Variants in SLC9C2 observed in about 807,000 individuals in gnomAD.
SLC9C2 encodes the protein solute carrier family 9 member C2 (putative).
A neutral mutation model predicts 140.2 loss-of-function variants in SLC9C2; 75 were observed. The ratio of observed to expected loss-of-function variants is 0.53; its 90% CI spans 0.44 to 0.65. The LOEUF (loss-of-function observed/expected upper bound fraction) is 0.65. SLC9C2 is among the 30% of genes least tolerant of loss of function. The pLI is 0.00. For synonymous variants in SLC9C2, 375 were observed against 420.9 expected (o/e 0.89, Z 1.34); for missense variants, 1,074 against 1,331.8 (o/e 0.81, Z 3.01).
At chr1:173,536,215 C>G (rs1661946906) in intron 14 of SLC9C2, among the ~76,000 whole-genome samples, 1 of 152,174 alleles carries the variant, frequency 6.6e-6, no homozygotes, top group African/African-American at 2.4e-5. Context: ...TGGAATCAAG[C>G]TTTCCTTTGT....
intron 26 of SLC9C2, among the ~76,000 whole-genome samples, chr1:173,504,305 C>A (rs1659477967): frequency 1.3e-5 from 2 of 152,166 alleles, no homozygotes; most frequent in East Asian, 3.9e-4. Flanking sequence ...ATCTGTCTCT[C>A]CTCCCTATGA....
intron 13 of SLC9C2, among the ~76,000 whole-genome samples, chr1:173,546,288 T>A (rs1662840649): frequency 1.3e-5 from 2 of 152,228 alleles, no homozygotes; most frequent in Admixed American, 6.5e-5. Flanking sequence ...ATCCCAGTGC[T>A]TTGGGAGGGT....
chr1:173,588,453 C>T (rs1665980467), intron 4 of SLC9C2, among the ~76,000 whole-genome samples: 1 of 152,078 alleles, frequency 6.6e-6, no homozygotes. Flanking sequence ...CCATCTCTGT[C>T]TTTTGTTTTA....
In SLC9C2 at chr1:173,587,793, C is replaced by T. The variant is rs1054709699; in HGVS notation, c.395G>A (p.Ser132Asn). The T allele has an allele frequency of 1.9e-6, 3 of 1,613,028 alleles. No homozygotes were observed. Among genetic ancestry groups the T allele is most frequent in the South Asian group, 1.1e-5 (1 of 90,998 alleles). ...TATAACGACATATCCAATTATGATG[C>T]TTGCTGTAGAAAAGCTAATTAATCC... is the stretch of plus-strand genomic sequence containing the variant. ...LTGLISFSTASIIIGYVVIKF... is the reference protein window; with the variant it reads ...LTGLISFSTANIIIGYVVIKF... Residue 132 changes from serine (S) to asparagine (N), a missense_variant, in exon 5 of 28, where the codon AGC becomes AAC. By Grantham distance (46) the Ser-to-Asn change is conservative. Coordinates refer to ENST00000367714, the MANE Select transcript of SLC9C2 (RefSeq NM_178527.4).
intron 2 of SLC9C2, 84 bp from the exon 3 acceptor site, chr1:173,600,301 G>C: frequency 1.2e-6 from 1 of 814,484 alleles, no homozygotes; most frequent in Non-Finnish European, 1.9e-6. Flanking sequence ...CCATCCCAAA[G>C]TAAGTCAAGA....
chr1:173,514,870 T>C (rs1660308679), intron 23 of SLC9C2, among the ~76,000 whole-genome samples: 4 of 152,164 alleles, frequency 2.6e-5, no homozygotes, highest in Admixed American at 2.6e-4. Flanking sequence ...CCCTCAGCAT[T>C]TGCTTGTCTG....
chr1:173,562,921 A>T (rs1045042007), intron 9 of SLC9C2, among the ~76,000 whole-genome samples: 2 of 152,072 alleles, frequency 1.3e-5, no homozygotes, highest in African/African-American at 2.4e-5. Flanking sequence ...TTAACTATAC[A>T]AGTAAGTATT....
intron 9 of SLC9C2, among the ~76,000 whole-genome samples, chr1:173,564,968 C>CTTTTTTTT (rs564120430): frequency 7.0e-5 from 8 of 113,618 alleles, no homozygotes; most frequent in Non-Finnish European, 1.1e-4. Context: ...TTTTCTTTTT[C>CTTTTTTTT]TTTTTTTTTT....
At chr1:173,509,454 A>C (rs1659885062) in intron 24 of SLC9C2, 114 bp downstream of exon 24, 1 of 1,086,720 alleles carries the variant, frequency 9.2e-7, no homozygotes, top group Non-Finnish European at 1.2e-6. Flanking sequence ...CAAAAAAAAA[A>C]AAAATCAAAC....
At chr1:173,543,606 A>C (rs916420120) in intron 13 of SLC9C2, among the ~76,000 whole-genome samples, 2 of 152,210 alleles carry the variant, frequency 1.3e-5, no homozygotes, top group African/African-American at 4.8e-5. Context: ...TTCAAACTAT[A>C]CTACAAGGCT....
intron 4 of SLC9C2, among the ~76,000 whole-genome samples, chr1:173,596,095 G>T (rs1666442669): frequency 2.0e-5 from 3 of 152,022 alleles, no homozygotes; most frequent in Admixed American, 2.0e-4. Context: ...ATTCTTCCTT[G>T]TTGTGCCTAT....
chr1:173,550,958 A>G (rs73027398), intron 11 of SLC9C2, among the ~76,000 whole-genome samples: 2,818 of 148,960 alleles, frequency 0.019, 93 homozygotes, highest in African/African-American at 0.067. Flanking sequence ...GAGCAAGTCC[A>G]TAACTGGGGG....
chr1:173,598,227 A>C (rs927615547), intron 3 of SLC9C2, among the ~76,000 whole-genome samples, 195 bp from the exon 4 acceptor site: 1 of 152,136 alleles, frequency 6.6e-6, no homozygotes, highest in Non-Finnish European at 1.5e-5. Context: ...ACCTATATAG[A>C]CCTCTATTCA....
chr1:173,531,953 G>T (rs191237006), intron 17 of SLC9C2, among the ~76,000 whole-genome samples: 129 of 152,234 alleles, frequency 8.5e-4, no homozygotes, highest in Admixed American at 2.0e-3. Context: ...TTTACATGAC[G>T]GTGGAGTTAC....
rs866607016 is a variant in SLC9C2, at chr1:173,580,731, T to C, written c.802+1116A>G. Among the ~76,000 whole-genome samples, 9 of 152,306 alleles carry C rather than the reference T, an allele frequency of 5.9e-5. No homozygotes were observed. The Middle Eastern group carries it at 0.01, about 173-fold the overall frequency. ...TTTCCAGGGTCACCAAGCTAATAAATTGCAGAGCTGAGATTTGAACTCAAG... is the reference window on the plus strand; with the variant it reads ...TTTCCAGGGTCACCAAGCTAATAAACTGCAGAGCTGAGATTTGAACTCAAG... On this transcript the variant is annotated intron_variant, in intron 7 of 27. Transcript: ENST00000367714.
intron 22 of SLC9C2, among the ~76,000 whole-genome samples, chr1:173,520,535 C>T (rs12745058): frequency 0.31 from 46,908 of 152,012 alleles, 9,899 homozygotes; most frequent in African/African-American, 0.61. Flanking sequence ...TTTGTCAATC[C>T]CATGCCTAGA....
Position 173,554,723 on chromosome 1 carries a change from C to T in SLC9C2, c.1297+10G>A, listed in dbSNP as rs1663552048. The T allele has an allele frequency of 6.4e-7, 1 of 1,567,412 alleles. No homozygotes were observed. On this transcript the variant is annotated intron_variant, in intron 11 of 27. Transcript: ENST00000367714. ...CCCCAGCTAATTCATGAATGAGACA[C>T]ATACTTTACCTAACTTCCTGGCTGA...
At chr1:173,530,145 A>G (rs1661480171) in intron 17 of SLC9C2, 91 bp from the exon 18 acceptor site, 2 of 1,173,520 alleles carry the variant, frequency 1.7e-6, no homozygotes. Flanking sequence ...TCATCTCCAG[A>G]CCAGCAACAG....
intron 23 of SLC9C2, among the ~76,000 whole-genome samples, chr1:173,511,620 A>G (rs4573551): frequency 0.51 from 77,547 of 151,910 alleles, 21,552 homozygotes; most frequent in East Asian, 0.95. Context: ...TGTTCACTCT[A>G]ATGATAGTTT....
Sources: allele counts gnomAD v4.1 joint callset (sites outside exome capture counted in the v4.1 genomes callset), GRCh38; gene constraint gnomAD v4.1.1; transcripts MANE v1.5; gene names NCBI Gene and HGNC (gene_info 2026-07-23, HGNC 2026-07-21).